NIBAN2: variants seen among roughly 807,000 people sequenced by gnomAD.
The protein encoded by NIBAN2 is niban apoptosis regulator 2, also known as protein Niban 2.
In NIBAN2, 36 loss-of-function variants were observed where a neutral mutation model predicts 81.8. The ratio of observed to expected loss-of-function variants is 0.44; its 90% CI spans 0.34 to 0.58. The LOEUF (loss-of-function observed/expected upper bound fraction) is 0.58, where lower values mean the gene tolerates loss of function less well. Ranked by LOEUF, NIBAN2 falls within the 20% of genes least tolerant of loss-of-function variation. The pLI is 0.02. For missense variants in NIBAN2, 897 were observed against 1,014.1 expected, an observed-to-expected ratio of 0.88 and a Z score of 1.57; for synonymous variants, 445 against 441.6, an observed-to-expected ratio of 1.01 and a Z score of -0.10.
chr9:127,509,635 G>A (rs1056995291), intron 9 of NIBAN2, among the ~76,000 whole-genome samples: 1 of 152,122 alleles, frequency 6.6e-6, no homozygotes, highest in Non-Finnish European at 1.5e-5. Flanking sequence ...GATGGAGACT[G>A]TGGAAGGACG....
rs376815001 is a variant in NIBAN2, at chr9:127,517,962, G to T, written c.590-21C>A. On this transcript the variant is annotated intron_variant, in intron 5 of 13. Transcript: ENST00000373312. The surrounding 1 kb of genome is among the most constrained non-coding windows in gnomAD (Gnocchi z 4.0). ...GATTCCTGCCCAGGAGACGGAGGGA[G>T]AGAGGAGGTCAGCAGATGGCCCAGT... 42 of 1,542,382 alleles carry T rather than the reference G, an allele frequency of 2.7e-5. No homozygotes were observed. In the African/African-American group the frequency reaches 4.8e-4, roughly 17 times the overall value.
chr9:127,561,830 G>A (rs1837778900), intron 1 of NIBAN2, among the ~76,000 whole-genome samples: 1 of 152,238 alleles, frequency 6.6e-6, no homozygotes, highest in African/African-American at 2.4e-5. Context: ...GAAGAGAATG[G>A]CTTTGCTCCA....
intron 1 of NIBAN2, among the ~76,000 whole-genome samples, chr9:127,564,920 G>A (rs1837832858): frequency 6.6e-6 from 1 of 151,988 alleles, no homozygotes; most frequent in Non-Finnish European, 1.5e-5. Flanking sequence ...CATGTACAGA[G>A]AGAGGTAGGT....
At chr9:127,546,983 G>A (rs768742642) in intron 1 of NIBAN2, among the ~76,000 whole-genome samples, 6 of 151,192 alleles carry the variant, frequency 4.0e-5, no homozygotes, top group Admixed American at 2.0e-4. Context: ...GGAGGACACC[G>A]GGAAGGGAGT....
Position 127,517,974 on chromosome 9 carries a change from G to T in NIBAN2, c.590-33C>A. On this transcript the variant is annotated intron_variant, in intron 5 of 13. Transcript: ENST00000373312. The surrounding 1 kb of genome is among the most constrained non-coding windows in gnomAD (Gnocchi z 4.0). ...GGAGACGGAGGGAGAGAGGAGGTCA[G>T]CAGATGGCCCAGTGGCCTCTACCAA... is the stretch of plus-strand genomic sequence containing the variant. 6.8e-7 allele frequency: 1 copy of T among 1,460,352 alleles called. No homozygotes were observed. Among genetic ancestry groups the T allele is most frequent in the Non-Finnish European group, 9.4e-7 (1 of 1,068,634 alleles). 90.5% of individuals were successfully genotyped at this position (1,460,352 alleles called of 1,614,324 possible). A position where few individuals can be genotyped will look rare whatever the true frequency, so the allele number is the denominator to read the frequency against.
chr9:127,513,559 T>A (rs1836773278), intron 8 of NIBAN2, among the ~76,000 whole-genome samples: 1 of 152,090 alleles, frequency 6.6e-6, no homozygotes, highest in Admixed American at 6.6e-5. Flanking sequence ...AAAACCAAGA[T>A]GGTGATGAGA....
rs184326797 is a variant in NIBAN2 at position 127,559,766 on chromosome 9, T to C, written c.55+9054A>G. 2.6e-5 allele frequency among the ~76,000 whole-genome samples: 4 copies of C among 152,284 alleles called. No homozygotes were observed. The East Asian group carries it at 7.7e-4, about 29-fold the overall frequency. Reference sequence around the variant, plus strand: ...CTCCCTGGGCCCCCACCCCTGCACGTGGACCCTCTACCCAGCACCCTGACC... The same window carrying C: ...CTCCCTGGGCCCCCACCCCTGCACGCGGACCCTCTACCCAGCACCCTGACC... On this transcript the variant is annotated intron_variant, in intron 1 of 13. Transcript: ENST00000373312. This position sits in a 1 kb window ranked among gnomAD's most constrained non-coding sequence, Gnocchi z 4.0.
In NIBAN2 at chr9:127,515,526, A is replaced by C. The variant is rs1291778559; in HGVS notation, c.973+1331T>G. Among the ~76,000 whole-genome samples the C allele has an allele frequency of 3.4e-3, 233 of 68,288 alleles. 3 individuals are homozygous for C. In the South Asian group the frequency reaches 0.054, roughly 16 times the overall value. The allele number at this position is 68,288 out of a possible 152,430, so 44.8% of individuals were successfully genotyped here. ...ACAGAGCGAGACTCCGTCTCAAAAA[A>C]AAAAAAAAAAAAACAAACAAAAAAA... On this transcript the variant is annotated intron_variant, in intron 8 of 13. Coordinates refer to ENST00000373312, the MANE Select transcript of NIBAN2 (RefSeq NM_022833.4).
At chr9:127,525,305 G>T in intron 3 of NIBAN2, 142 bp from the exon 4 acceptor site, 1 of 621,822 alleles carries the variant, frequency 1.6e-6, no homozygotes, top group East Asian at 2.7e-5. Flanking sequence ...GAACAGAGGG[G>T]AGAATGTCAC....
Position 127,520,941 on chromosome 9 carries a change from AG to A in NIBAN2, c.589+2737del, listed in dbSNP as rs779780599. Reference sequence around the variant, plus strand: ...AAAGTACATTTCTTCTTGAAAGAAGAGAAAACACAGGCACACAGAGGCATGA... The same window carrying A: ...AAAGTACATTTCTTCTTGAAAGAAGAAAAACACAGGCACACAGAGGCATGA... On this transcript the variant is annotated intron_variant, in intron 5 of 13. Transcript: ENST00000373312. Among the ~76,000 whole-genome samples the A allele has an allele frequency of 1.7e-3, 263 of 152,316 alleles. 2 individuals carry two copies. The highest frequency in any genetic ancestry group is 3.1e-3 in the Admixed American group (48 of 15,298).
At chr9:127,520,229 C>CTT (rs61128001) in intron 5 of NIBAN2, among the ~76,000 whole-genome samples, 12 of 109,518 alleles carry the variant, frequency 1.1e-4, no homozygotes, top group South Asian at 3.1e-4. Context: ...GACCCAGGGT[C>CTT]TTTTTTTTTT....
chr9:127,514,902 G>C (rs867940139), intron 8 of NIBAN2, among the ~76,000 whole-genome samples: 2 of 152,316 alleles, frequency 1.3e-5, no homozygotes, highest in South Asian at 4.1e-4. Context: ...GGCCACTCAT[G>C]CCTGTAATCC....
At chr9:127,554,235 C>A (rs1837626490) in intron 1 of NIBAN2, among the ~76,000 whole-genome samples, 1 of 152,156 alleles carries the variant, frequency 6.6e-6, no homozygotes, top group Admixed American at 6.5e-5. Context: ...ATTCCCCAAC[C>A]CCTTTGCCTG....
Position 127,526,041 on chromosome 9 carries a change from T to C in NIBAN2, c.316-878A>G, listed in dbSNP as rs1264144242. Among the ~76,000 whole-genome samples the C allele has an allele frequency of 5.3e-5, 8 of 152,174 alleles. No individual in the cohort carries two copies. The East Asian group carries it at 1.5e-3, about 29-fold the overall frequency. On this transcript the variant is annotated intron_variant, in intron 3 of 13. Transcript: ENST00000373312. ...CAGTTCCTGAAAGTAGCTCAGAACC[T>C]GTAGGGCACTGATTTGCAAAACATG...
At chr9:127,532,327 G>A (rs1429424345) in intron 1 of NIBAN2, among the ~76,000 whole-genome samples, 4 of 152,190 alleles carry the variant, frequency 2.6e-5, no homozygotes, top group African/African-American at 4.8e-5. Flanking sequence ...ATGGAGGGGG[G>A]CCAGGCATGG....
chr9:127,570,136 C>T (rs1837930137), upstream of NIBAN2, among the ~76,000 whole-genome samples: 1 of 152,184 alleles, frequency 6.6e-6, no homozygotes, highest in South Asian at 2.1e-4. Context: ...GCACTCACCA[C>T]TTCTCTCATG....
upstream of NIBAN2, among the ~76,000 whole-genome samples, chr9:127,571,651 G>A (rs1294786833): frequency 6.6e-6 from 1 of 152,024 alleles, no homozygotes; most frequent in African/African-American, 2.4e-5. Flanking sequence ...AGCCAAGATC[G>A]TGCCACTGCA....
chr9:127,522,143 G>A (rs1236571239), intron 5 of NIBAN2, among the ~76,000 whole-genome samples: 1 of 152,194 alleles, frequency 6.6e-6, no homozygotes, highest in Non-Finnish European at 1.5e-5. Context: ...CCAGCCCACA[G>A]TCCCCGGGAC....
At chr9:127,568,091 G>A (rs957437942) in intron 1 of NIBAN2, among the ~76,000 whole-genome samples, 1 of 152,200 alleles carries the variant, frequency 6.6e-6, no homozygotes, top group Non-Finnish European at 1.5e-5. Context: ...AGCTGTCCCT[G>A]GGAGAAGTGG....
Sources: gnomAD v4.1 joint callset for allele counts (sites outside exome capture counted in the v4.1 genomes callset) on GRCh38, gnomAD v4.1.1 for gene constraint, Gnocchi (gnomAD v3.1) non-coding constraint, MANE v1.5 for transcripts, NCBI Gene and HGNC (gene_info 2026-07-23, HGNC 2026-07-21) for gene names.